MAST3: variants seen among roughly 807,000 people sequenced by gnomAD.
The protein encoded by MAST3 is microtubule-associated serine/threonine-protein kinase 3.
MAST3 carries 43 observed loss-of-function variants against 127.0 expected under a neutral mutation model. The ratio of observed to expected loss-of-function variants is 0.34; its 90% confidence interval spans 0.27 to 0.44. The LOEUF is 0.44. Among genes scored for constraint, MAST3 ranks in the 20% least tolerant of loss-of-function variants. MAST3 has a pLI of 1.00. For missense variants in MAST3, 1,390 were observed against 1,919.1 expected (o/e 0.72, Z 5.15); for synonymous variants, 785 against 809.2 (o/e 0.97, Z 0.51).
chr19:18,106,807 G>T (rs1416280117), intron 1 of MAST3, among the ~76,000 whole-genome samples: 3 of 151,522 alleles, frequency 2.0e-5, no homozygotes, highest in African/African-American at 4.9e-5. Context: ...CCGACCTCAG[G>T]TGATCTGCCC....
chr19:18,138,260 C>G (rs1599851761), intron 19 of MAST3, among the ~76,000 whole-genome samples: 1 of 149,928 alleles, frequency 6.7e-6, no homozygotes, highest in Non-Finnish European at 1.5e-5. Context: ...TCTGTGTGAC[C>G]CATTTCAAGG....
rs896816877 is a variant in MAST3 at position 18,110,871 on chromosome 19, T to C, written c.161+130T>C. The C allele has an allele frequency of 4.2e-6, 1 of 235,834 alleles. No homozygotes were observed. The highest frequency in any genetic ancestry group is 6.9e-6 in the Non-Finnish European group (1 of 144,422). The allele number at this position is 235,834 out of a possible 1,614,324, so 14.6% of individuals were successfully genotyped here. On this transcript the variant is annotated intron_variant, in intron 3 of 27. Coordinates refer to ENST00000687212, the MANE Select transcript of MAST3 (RefSeq NM_001393504.1). This position sits in a 1 kb window ranked among gnomAD's most constrained non-coding sequence, Gnocchi z 4.3. ...GACATCACCTCTCTGGGCCTCAGTT[T>C]ACCCCTCCACATAATGGCACTGCGA...
rs960068074 is a variant in MAST3 at position 18,134,727 on chromosome 19, G to T, written c.1704+16G>T. On this transcript the variant is annotated intron_variant, in intron 16 of 27. Transcript: ENST00000687212. ...CGACAAGCAGGTGGGCGGGCAGGTG[G>T]GTGGGCAGCCCCGGGATGCCTCCTC... 1 of 1,613,040 alleles carries T rather than the reference G, an allele frequency of 6.2e-7. No homozygotes were observed. The highest frequency in any genetic ancestry group is 2.2e-5 in the East Asian group (1 of 44,846).
At chr19:18,125,879 C>G (rs1014670691) in intron 11 of MAST3, among the ~76,000 whole-genome samples, 1 of 149,720 alleles carries the variant, frequency 6.7e-6, no homozygotes, top group African/African-American at 2.5e-5. Context: ...GGCCAATATG[C>G]AGAAACTCCA....
chr19:18,123,070 T>A, intron 6 of MAST3, 147 bp from the exon 7 acceptor site: 1 of 872,732 alleles, frequency 1.1e-6, no homozygotes, highest in Non-Finnish European at 1.8e-6. Flanking sequence ...AGCTAGGGTT[T>A]TGAGGGATGC....
At position 18,116,090 on chromosome 19, in the gene MAST3, C is replaced by CTTTTTTTTTTTTTTTTTTTTTTTT. The variant is rs3048876; in HGVS notation, c.161+5370_161+5371insTTTTTTTTTTTTTTTTTTTTTTTT. Among the ~76,000 whole-genome samples the CTTTTTTTTTTTTTTTTTTTTTTTT allele has an allele frequency of 3.1e-4, 27 of 86,348 alleles. 3 individuals are homozygous for CTTTTTTTTTTTTTTTTTTTTTTTT. The highest frequency in any genetic ancestry group is 1.4e-3 in the African/African-American group (26 of 18,376). The allele number at this position is 86,348 out of a possible 152,430, so 56.6% of individuals were successfully genotyped here. ...TCTCAGCCTTGGTATTTGAAATTAT[C>CTTTTTTTTTTTTTTTTTTTTTTTT]TTTTTTTTTTTTTTTTTTTTTGAGA... is the stretch of plus-strand genomic sequence containing the variant. On this transcript the variant is annotated intron_variant, in intron 3 of 27. Transcript: ENST00000687212.
At chr19:18,116,090 C>CTTCT (rs2039193860) in intron 3 of MAST3, among the ~76,000 whole-genome samples, 1 of 86,374 alleles carries the variant, frequency 1.2e-5, no homozygotes, top group Non-Finnish European at 2.0e-5. Context: ...TTGAAATTAT[C>CTTCT]TTTTTTTTTT....
In MAST3 at chr19:18,124,093, T is replaced by C; in HGVS notation, c.788T>C (p.Val263Ala). ...DCLAKSGENL[V>A]TSRYFLEMQE... ...TTGGCCAAGTCTGGCGAGAACCTCG[T>C]CACCTCCCGCTACTTCCTAGAGATG... Residue 263 changes from valine (V) to alanine (A), a missense_variant, in exon 9 of 28, where the codon GTC (valine) becomes GCC (alanine). Val to Ala is a moderately conservative substitution (Grantham distance 64). This residue lies in a region of MAST3 where 277 missense variants were observed against 384.8 expected (regional missense o/e 0.72). Coordinates refer to ENST00000687212, the MANE Select transcript of MAST3 (RefSeq NM_001393504.1). The C allele has an allele frequency of 6.2e-7, 1 of 1,611,600 alleles. No individual in the cohort carries two copies. The highest frequency in any genetic ancestry group is 8.5e-7 in the Non-Finnish European group (1 of 1,178,960).
At chr19:18,134,190 A>C (rs552773418) in intron 15 of MAST3, among the ~76,000 whole-genome samples, 1 of 151,632 alleles carries the variant, frequency 6.6e-6, no homozygotes, top group East Asian at 1.9e-4. Flanking sequence ...CCAACACGGC[A>C]AAACCCCGTC....
In MAST3 at chr19:18,145,915, C is replaced by T. The variant is rs552154150; in HGVS notation, c.3162+50C>T. Reference sequence around the variant, plus strand: ...TCAGGGCTCCCCAGCACCCCTTGGCCGCAGCTCCCGGTTCCCCGTGGTTCT... The same window carrying T: ...TCAGGGCTCCCCAGCACCCCTTGGCTGCAGCTCCCGGTTCCCCGTGGTTCT... On this transcript the variant is annotated intron_variant, in intron 25 of 27. Coordinates refer to ENST00000687212, the MANE Select transcript of MAST3 (RefSeq NM_001393504.1). This position sits in a 1 kb window ranked among gnomAD's most constrained non-coding sequence, Gnocchi z 5.9. 3,989 of 1,523,798 alleles carry T rather than the reference C, an allele frequency of 2.6e-3. 44 individuals are homozygous for T. Among genetic ancestry groups the T allele is most frequent in the South Asian group, 0.023 (1,832 of 78,512 alleles). The allele number at this position is 1,523,798 out of a possible 1,614,324, so 94.4% of individuals were successfully genotyped here.
rs71872759 is a variant in MAST3 at position 18,149,975 on chromosome 19, CT to C, written c.*258del. On this transcript the variant is annotated 3_prime_UTR_variant, in exon 28 of 28. Coordinates refer to ENST00000687212, the MANE Select transcript of MAST3 (RefSeq NM_001393504.1). This position sits in a 1 kb window ranked among gnomAD's most constrained non-coding sequence, Gnocchi z 5.9. ...GCAAATCCCTGCAACTAATTTATTA[CT>C]TTTTTTTTCTTTTTTTTTTTTTTTT... is the stretch of plus-strand genomic sequence containing the variant. 6.7e-5 allele frequency: 21 copies of C among 315,280 alleles called. No individual in the cohort carries two copies. The highest frequency in any genetic ancestry group is 1.0e-4 in the African/African-American group (4 of 38,502). The allele number at this position is 315,280 out of a possible 1,614,324, so 19.5% of individuals were successfully genotyped here. A position where few individuals can be genotyped will look rare whatever the true frequency, so the allele number is the denominator to read the frequency against.
At chr19:18,111,552 T>TTTTTTTTTTG (rs2038638116) in intron 3 of MAST3, among the ~76,000 whole-genome samples, 2 of 137,934 alleles carry the variant, frequency 1.4e-5, no homozygotes, top group African/African-American at 5.1e-5. Flanking sequence ...TTTTTTTTTT[T>TTTTTTTTTTG]GAGGCAGAGT....
At position 18,147,487 on chromosome 19, in the gene MAST3, T is replaced by C; in HGVS notation, c.3371T>C (p.Leu1124Pro). 1 of 1,613,264 alleles carries C rather than the reference T, an allele frequency of 6.2e-7. No individual in the cohort carries two copies. Among genetic ancestry groups the C allele is most frequent in the Non-Finnish European group, 8.5e-7 (1 of 1,179,658 alleles). The change falls in exon 27 of 28, where the codon CTG (leucine) becomes CCG (proline). Residue 1124 changes from leucine to proline, a missense_variant. By Grantham distance (98) the Leu-to-Pro change is moderately conservative. This residue lies in a region of MAST3 where 816 missense variants were observed against 934.1 expected (regional missense o/e 0.87). Coordinates refer to ENST00000687212, the MANE Select transcript of MAST3 (RefSeq NM_001393504.1). Reference sequence around the variant, plus strand: ...AAGATCTCCAAGCAGACCTCCGTGCTGCACACCAGCCGCAGCTTCTCCTCC... The same window carrying C: ...AAGATCTCCAAGCAGACCTCCGTGCCGCACACCAGCCGCAGCTTCTCCTCC... ...FKKISKQTSV[L>P]HTSRSFSSGL... is the part of the protein sequence containing the mutation.
In MAST3 at chr19:18,150,952, C is replaced by T. The variant is rs776625914; in HGVS notation, c.*1226C>T. The T allele has an allele frequency of 6.6e-6, 1 of 152,336 alleles. No individual in the cohort carries two copies. The highest frequency in any genetic ancestry group is 1.5e-5 in the Non-Finnish European group (1 of 68,102). The allele number at this position is 152,336 out of a possible 1,614,324, so 9.4% of individuals were successfully genotyped here. ...TCCAGAAACACTCAGTGTCCCCTCCCCTCAGGCTCTGCCTTGGCCTGGCCT... is the reference window on the plus strand; with the variant it reads ...TCCAGAAACACTCAGTGTCCCCTCCTCTCAGGCTCTGCCTTGGCCTGGCCT... On this transcript the variant is annotated 3_prime_UTR_variant, in exon 28 of 28. Coordinates refer to ENST00000687212, the MANE Select transcript of MAST3 (RefSeq NM_001393504.1).
In MAST3 at chr19:18,110,175, C is replaced by G. The variant is rs944802729; in HGVS notation, c.72-477C>G. ...GCCCGGCCCCCAGCGGCCCAGCCCCCGCGTCTAGTCTGCCGCACCAGCCAG... is the reference window on the plus strand; with the variant it reads ...GCCCGGCCCCCAGCGGCCCAGCCCCGGCGTCTAGTCTGCCGCACCAGCCAG... On this transcript the variant is annotated intron_variant, in intron 2 of 27. Transcript: ENST00000687212. The surrounding 1 kb of genome is among the most constrained non-coding windows in gnomAD (Gnocchi z 4.3). 30 of 985,446 alleles carry G rather than the reference C, an allele frequency of 3.0e-5. No individual in the cohort carries two copies. Among genetic ancestry groups the G allele is most frequent in the Non-Finnish European group, 3.6e-5 (30 of 829,956 alleles). 61.0% of individuals were successfully genotyped at this position (985,446 alleles called of 1,614,324 possible).
At chr19:18,099,004 C>CG (rs909098095) in intron 1 of MAST3, 51 of 280,056 alleles carry the variant, frequency 1.8e-4, no homozygotes, top group African/African-American at 9.2e-4. Flanking sequence ...GGCATTGCAG[C>CG]GGGGGGCGGT....
Position 18,149,988 on chromosome 19 carries a change from T to C in MAST3, c.*262T>C, listed in dbSNP as rs867779136. 6.5e-3 allele frequency: 1,408 copies of C among 216,426 alleles called. 23 individuals are homozygous for C. Among genetic ancestry groups the C allele is most frequent in the African/African-American group, 0.038 (1,298 of 34,374 alleles). The allele number at this position is 216,426 out of a possible 1,614,324, so 13.4% of individuals were successfully genotyped here. A position where few individuals can be genotyped will look rare whatever the true frequency, so the allele number is the denominator to read the frequency against. On this transcript the variant is annotated 3_prime_UTR_variant, in exon 28 of 28. Coordinates refer to ENST00000687212, the MANE Select transcript of MAST3 (RefSeq NM_001393504.1). This position sits in a 1 kb window ranked among gnomAD's most constrained non-coding sequence, Gnocchi z 5.9. ...ACTAATTTATTACTTTTTTTTTCTT[T>C]TTTTTTTTTTTTTTTTGAGACAGAG...
intron 19 of MAST3, among the ~76,000 whole-genome samples, 166 bp downstream of exon 19, chr19:18,137,527 C>T (rs2042008218): frequency 6.6e-6 from 1 of 152,188 alleles, no homozygotes; most frequent in Admixed American, 6.5e-5. Context: ...CGTGTGTCGG[C>T]CGCCCCCTGG....
chr19:18,141,051 C>T (rs1053843573), intron 20 of MAST3, among the ~76,000 whole-genome samples: 2 of 152,144 alleles, frequency 1.3e-5, no homozygotes, highest in African/African-American at 4.8e-5. Flanking sequence ...GCCTCAGCCT[C>T]CCAAAGTCCT....
Sources: gnomAD v4.1 joint callset for allele counts (sites outside exome capture counted in the v4.1 genomes callset) on GRCh38, gnomAD v4.1.1 for gene constraint, gnomAD v4.1.1 regional missense constraint, Gnocchi (gnomAD v3.1) non-coding constraint, MANE v1.5 for transcripts, NCBI Gene and HGNC (gene_info 2026-07-23, HGNC 2026-07-21) for gene names.